RELL1: variants seen among roughly 807,000 people sequenced by gnomAD.
RELL1 encodes RELT like 1, also known as RELT-like protein 1.
Under a neutral mutation model 23.0 loss-of-function variants are expected in RELL1, and 10 were observed. The observed-to-expected ratio is 0.43, with a 90% CI of 0.27 to 0.74. The LOEUF (loss-of-function observed/expected upper bound fraction) is 0.74, where lower values mean the gene tolerates loss of function less well. RELL1 is among the 30% of genes least tolerant of loss of function. The pLI is 0.19. For missense variants in RELL1, 315 were observed against 364.4 expected (o/e 0.86, Z 1.10); for synonymous variants, 146 against 146.8 (o/e 0.99, Z 0.04).
intron 1 of RELL1, among the ~76,000 whole-genome samples, chr4:37,678,167 T>C (rs938204254): frequency 2.6e-5 from 4 of 151,170 alleles, no homozygotes; most frequent in East Asian, 1.9e-4. Flanking sequence ...CAAGAGAGAG[T>C]TGGGGGGGAG....
downstream of RELL1, among the ~76,000 whole-genome samples, chr4:37,609,924 A>C (rs1446313158): frequency 6.6e-6 from 1 of 152,256 alleles, no homozygotes; most frequent in Admixed American, 6.5e-5. Context: ...ATGACAGCAA[A>C]GGATTTAGAA....
downstream of RELL1, among the ~76,000 whole-genome samples, chr4:37,609,637 G>A (rs1027960530): frequency 1.3e-5 from 2 of 152,162 alleles, no homozygotes; most frequent in African/African-American, 4.8e-5. Flanking sequence ...TTGATTCACA[G>A]GAGGTAAAAA....
intron 4 of RELL1, 27 bp downstream of exon 4, chr4:37,638,420 A>T: frequency 6.3e-7 from 1 of 1,577,622 alleles, no homozygotes; most frequent in Non-Finnish European, 8.7e-7. Flanking sequence ...AAGATGTCGC[A>T]CTAAGAAAGA....
Position 37,612,328 on chromosome 4 carries a change from A to C in RELL1, c.*1018T>G, listed in dbSNP as rs1339424744. Reference sequence around the variant, plus strand: ...GAATCGCTCAGCTAAAGGTTAAAAAAAAAAAAAAAACAAAAAAAAACAAAA... The same window carrying C: ...GAATCGCTCAGCTAAAGGTTAAAAACAAAAAAAAAACAAAAAAAAACAAAA... On this transcript the variant is annotated 3_prime_UTR_variant, in exon 7 of 7. Transcript: ENST00000454158. 2.5e-5 allele frequency among the ~76,000 whole-genome samples: 1 copy of C among 39,450 alleles called. No homozygotes were observed. Among genetic ancestry groups the C allele is most frequent in the Non-Finnish European group, 8.8e-5 (1 of 11,384 alleles). The allele number at this position is 39,450 out of a possible 152,430, so 25.9% of individuals were successfully genotyped here.
chr4:37,602,417 C>T (rs1313327762), intron 6 of RELL1, among the ~76,000 whole-genome samples: 1 of 137,008 alleles, frequency 7.3e-6, no homozygotes, highest in Admixed American at 7.3e-5. Context: ...ATTGCTCTGG[C>T]GGCTAATGCT....
At chr4:37,600,652 C>T (rs561481484) in intron 6 of RELL1, among the ~76,000 whole-genome samples, 1 of 152,092 alleles carries the variant, frequency 6.6e-6, no homozygotes, top group Non-Finnish European at 1.5e-5. Flanking sequence ...CCTCATGCCC[C>T]AAATAAGATT....
rs1458186101 is a variant in RELL1, at chr4:37,610,776, CAT to C, written c.*2568_*2569del. On this transcript the variant is annotated 3_prime_UTR_variant, in exon 7 of 7. Transcript: ENST00000454158. The surrounding 1 kb of genome is among the most constrained non-coding windows in gnomAD (Gnocchi z 4.1). ...TTTTACATCAAGGTAGTAGCCAACT[CAT>C]TGATGACACCAAAAAGTTGTCCATC... is the stretch of plus-strand genomic sequence containing the variant. Among the ~76,000 whole-genome samples the C allele has an allele frequency of 1.3e-5, 2 of 152,172 alleles. No individual in the cohort carries two copies. Among genetic ancestry groups the C allele is most frequent in the African/African-American group, 4.8e-5 (2 of 41,428 alleles).
intron 1 of RELL1, among the ~76,000 whole-genome samples, chr4:37,662,516 C>G (rs1290943110): frequency 6.6e-6 from 1 of 151,146 alleles, no homozygotes; most frequent in Admixed American, 6.6e-5. Flanking sequence ...CATTCCTGAA[C>G]CCCGGGTTGC....
chr4:37,675,388 C>G (rs1387306399), intron 1 of RELL1, among the ~76,000 whole-genome samples: 1 of 152,240 alleles, frequency 6.6e-6, no homozygotes, highest in Non-Finnish European at 1.5e-5. Context: ...AATTCCCCTT[C>G]TCTTCATCTT....
At chr4:37,630,356 GTTTTTTTTTTT>G (rs59763359) in intron 6 of RELL1, among the ~76,000 whole-genome samples, 1 of 86,734 alleles carries the variant, frequency 1.2e-5, no homozygotes, top group African/African-American at 4.8e-5. Flanking sequence ...TGTGTGTGTG[GTTTTTTTTTTT>G]TTTTTTTTTT....
At position 37,622,701 on chromosome 4, in the gene RELL1, A is replaced by G. The variant is rs556223396; in HGVS notation, c.*3+8684T>C. On this transcript the variant is annotated intron_variant, in intron 6 of 6. Transcript: ENST00000454158. Reference sequence around the variant, plus strand: ...AAGTCTGGTATAAGCACTAGGATAGAAGCTCTGTAAGAGTATGGTCTTCAT... The same window carrying G: ...AAGTCTGGTATAAGCACTAGGATAGGAGCTCTGTAAGAGTATGGTCTTCAT... 503 of 419,880 alleles carry G rather than the reference A, an allele frequency of 1.2e-3. 5 individuals are homozygous for G. The highest frequency in any genetic ancestry group is 7.5e-3 in the South Asian group (430 of 57,330). 26.0% of individuals were successfully genotyped at this position (419,880 alleles called of 1,614,324 possible).
intron 1 of RELL1, among the ~76,000 whole-genome samples, chr4:37,657,899 G>C (rs1004151743): frequency 3.1e-4 from 47 of 151,950 alleles, no homozygotes; most frequent in African/African-American, 1.1e-3. Context: ...GGTCAGCCTG[G>C]GGGACACAGC....
chr4:37,638,743 A>C (rs1003355165), intron 3 of RELL1, among the ~76,000 whole-genome samples: 1 of 152,222 alleles, frequency 6.6e-6, no homozygotes, highest in African/African-American at 2.4e-5. Context: ...CAAGGAGAGC[A>C]GATCTACTAT....
chr4:37,671,226 A>G (rs960810182), intron 1 of RELL1, among the ~76,000 whole-genome samples: 1 of 152,198 alleles, frequency 6.6e-6, no homozygotes, highest in African/African-American at 2.4e-5. Flanking sequence ...ACCCCCCTCA[A>G]TAAGTTTGGC....
downstream of RELL1, among the ~76,000 whole-genome samples, chr4:37,589,924 A>T (rs1718512692): frequency 6.6e-6 from 1 of 152,168 alleles, no homozygotes; most frequent in African/African-American, 2.4e-5. Context: ...GAGCCACCAA[A>T]CATTTTTATA....
At chr4:37,596,736 A>ATTTTTTTT (rs1178565372) in intron 6 of RELL1, among the ~76,000 whole-genome samples, 2 of 16,508 alleles carry the variant, frequency 1.2e-4, no homozygotes, top group Non-Finnish European at 1.5e-4. Flanking sequence ...ATATATATAT[A>ATTTTTTTT]TTTTTTTTTT....
intron 1 of RELL1, among the ~76,000 whole-genome samples, chr4:37,682,805 T>C (rs1300983729): frequency 6.6e-6 from 1 of 152,234 alleles, no homozygotes; most frequent in East Asian, 1.9e-4. Flanking sequence ...GTCAGAATGC[T>C]GGAGGGAAGC....
chr4:37,674,772 C>T (rs1721964785), intron 1 of RELL1, among the ~76,000 whole-genome samples: 1 of 152,188 alleles, frequency 6.6e-6, no homozygotes, highest in African/African-American at 2.4e-5. Flanking sequence ...AAACTTCCAC[C>T]TCTTACAGGA....
At chr4:37,618,560 G>A (rs1719653163) in intron 6 of RELL1, among the ~76,000 whole-genome samples, 1 of 151,992 alleles carries the variant, frequency 6.6e-6, no homozygotes, top group Non-Finnish European at 1.5e-5. Flanking sequence ...TTTGGCATTT[G>A]CAGGCCATTA....
Sources: allele counts gnomAD v4.1 joint callset (sites outside exome capture counted in the v4.1 genomes callset), GRCh38; gene constraint gnomAD v4.1.1; non-coding constraint Gnocchi (gnomAD v3.1); transcripts MANE v1.5; gene names NCBI Gene and HGNC (gene_info 2026-07-23, HGNC 2026-07-21).